ZNF280B: variants seen among roughly 807,000 people sequenced by gnomAD.
ZNF280B encodes suppressor of hairy wing homolog 2.
Under a neutral mutation model 38.0 loss-of-function variants are expected in ZNF280B, and 16 were observed. The observed-to-expected ratio is 0.42, with a 90% confidence interval of 0.28 to 0.64. The LOEUF is 0.64. ZNF280B is among the 30% of genes least tolerant of loss of function. The probability of loss-of-function intolerance (pLI) is 0.21; values close to 1 mark genes in which losing one functional copy is unlikely to be tolerated. For missense variants in ZNF280B, 581 were observed against 639.6 expected (o/e 0.91, Z 0.99); for synonymous variants, 253 against 230.6 (o/e 1.10, Z -0.88).
At chr22:22,506,234 A>C (rs779710926) in intron 2 of ZNF280B, among the ~76,000 whole-genome samples, 30 of 151,896 alleles carry the variant, frequency 2.0e-4, no homozygotes, top group Non-Finnish European at 3.5e-4. Flanking sequence ...TCACTCAGGG[A>C]AAAGAGGTCT....
intron 2 of ZNF280B, among the ~76,000 whole-genome samples, chr22:22,506,063 G>A (rs1179045947): frequency 9.2e-5 from 14 of 151,862 alleles, no homozygotes; most frequent in African/African-American, 2.9e-4. Flanking sequence ...GTTCATTGAT[G>A]GATTGGGTTT....
intron 3 of ZNF280B, among the ~76,000 whole-genome samples, chr22:22,489,821 C>T (rs923779297): frequency 1.3e-5 from 2 of 151,952 alleles, no homozygotes; most frequent in African/African-American, 2.4e-5. Flanking sequence ...GTCTGCCACA[C>T]ACCAGATGCT....
Position 22,494,074 on chromosome 22 carries a change from T to C in ZNF280B, c.-80A>G, listed in dbSNP as rs1293012216. On this transcript the variant is annotated 5_prime_UTR_variant, in exon 3 of 4. Transcript: ENST00000626650. ...GAGATATCACAGACCTTGCTTCCTC[T>C]TTCTGTCATGTGAGAACACAGCAAG... The C allele has an allele frequency of 1.3e-5, 2 of 152,006 alleles. No individual in the cohort carries two copies. Among genetic ancestry groups the C allele is most frequent in the African/African-American group, 2.4e-5 (1 of 41,386 alleles). 9.4% of individuals were successfully genotyped at this position (152,006 alleles called of 1,614,324 possible).
intron 3 of ZNF280B, among the ~76,000 whole-genome samples, chr22:22,491,339 T>TA (rs960429916): frequency 2.6e-4 from 38 of 144,542 alleles, no homozygotes; most frequent in African/African-American, 3.8e-4. Context: ...ACCAATAGTT[T>TA]AAAAAAAAAA....
intron 2 of ZNF280B, among the ~76,000 whole-genome samples, chr22:22,497,740 T>C (rs2061730117): frequency 6.6e-6 from 1 of 151,886 alleles, no homozygotes; most frequent in Non-Finnish European, 1.5e-5. Context: ...TAGCAAAAAC[T>C]ACAAAAATCA....
chr22:22,488,656 G>C lies in ZNF280B; in HGVS notation c.743C>G (p.Pro248Arg), dbSNP rs768325044. 2.5e-6 allele frequency: 4 copies of C among 1,613,824 alleles called. No individual in the cohort carries two copies. The highest frequency in any genetic ancestry group is 3.4e-6 in the Non-Finnish European group (4 of 1,179,964). ...TGCCCTATCAAGATTTGTATTTATA[G>C]GCTTGAAATGGATATTGTCCTTTGG... ...AFPKDNIHFK[P>R]INTNLDRANE... The change falls in exon 4 of 4, where the codon CCT becomes CGT. Residue 248 changes from proline to arginine, a missense_variant. Pro to Arg is a moderately radical substitution (Grantham distance 103). Transcript: ENST00000626650.
chr22:22,493,033 C>T (rs182524314), intron 3 of ZNF280B, among the ~76,000 whole-genome samples: 1 of 151,826 alleles, frequency 6.6e-6, no homozygotes, highest in East Asian at 2.0e-4. Context: ...TTTTTCAAGA[C>T]GGAGTCTTGC....
chr22:22,494,806 G>A (rs899070992), intron 2 of ZNF280B, among the ~76,000 whole-genome samples: 8 of 151,570 alleles, frequency 5.3e-5, no homozygotes, highest in Admixed American at 4.6e-4. Flanking sequence ...GCGCAATCTC[G>A]GCCCACTGCA....
chr22:22,487,698 G>A lies in ZNF280B; in HGVS notation c.*69C>T, dbSNP rs1383377941. 1.1e-5 allele frequency: 15 copies of A among 1,352,532 alleles called. No homozygotes were observed. The South Asian group carries it at 2.2e-4, about 20-fold the overall frequency. 83.8% of individuals were successfully genotyped at this position (1,352,532 alleles called of 1,614,324 possible). On this transcript the variant is annotated 3_prime_UTR_variant, in exon 4 of 4. Coordinates refer to ENST00000626650, the MANE Select transcript of ZNF280B (RefSeq NM_080764.4). ...GGTGCTACTGAATAATGTATGGTTT[G>A]TATTTTTTGTTTTATGAGGTTTTTT...
rs1360947129 is a variant in ZNF280B at position 22,489,235 on chromosome 22, G to A, written c.164C>T (p.Pro55Leu). The change falls in exon 4 of 4, where the codon CCA becomes CTA. Residue 55 changes from proline (P) to leucine (L), a missense_variant. Coordinates refer to ENST00000626650, the MANE Select transcript of ZNF280B (RefSeq NM_080764.4). ...TCTGTTCAAAATGTTTGAAACGACT[G>A]GTTTTGAATTTGAAGTCACCCCAAC... ...IFVGVTSNSK[P>L]VVSNILNRVT... 1.2e-6 allele frequency: 2 copies of A among 1,613,752 alleles called. No homozygotes were observed. The highest frequency in any genetic ancestry group is 1.1e-5 in the South Asian group (1 of 91,056).
At chr22:22,494,888 T>C (rs1030593939) in intron 2 of ZNF280B, among the ~76,000 whole-genome samples, 4 of 151,812 alleles carry the variant, frequency 2.6e-5, no homozygotes, top group African/African-American at 7.3e-5. Flanking sequence ...CCACCACGCC[T>C]GGCTAATTTT....
At chr22:22,496,254 G>C (rs1369483319) in intron 2 of ZNF280B, among the ~76,000 whole-genome samples, 1 of 151,104 alleles carries the variant, frequency 6.6e-6, no homozygotes, top group African/African-American at 2.4e-5. Context: ...GCGCCACCAT[G>C]CCTGGTTAAT....
chr22:22,508,365 G>A (rs2061982333), intron 1 of ZNF280B, among the ~76,000 whole-genome samples: 1 of 152,040 alleles, frequency 6.6e-6, no homozygotes, highest in South Asian at 2.1e-4. Flanking sequence ...GCCAGGAAAG[G>A]CCCCTTCTCC....
chr22:22,499,162 A>G (rs546192762), intron 2 of ZNF280B, among the ~76,000 whole-genome samples: 17 of 152,066 alleles, frequency 1.1e-4, no homozygotes, highest in Non-Finnish European at 1.5e-4. Context: ...AACAACATAT[A>G]TAACGATTAC....
At chr22:22,504,426 GAA>G (rs1314633209) in intron 2 of ZNF280B, among the ~76,000 whole-genome samples, 1 of 121,238 alleles carries the variant, frequency 8.2e-6, no homozygotes, top group Non-Finnish European at 1.7e-5. Flanking sequence ...GACTCCGTCT[GAA>G]AAAAAAAAAA....
At chr22:22,497,986 A>C (rs2061735275) in intron 2 of ZNF280B, among the ~76,000 whole-genome samples, 1 of 151,986 alleles carries the variant, frequency 6.6e-6, no homozygotes. Context: ...TGGATAAACA[A>C]ACCATGGTAT....
At chr22:22,507,724 T>C (rs361676) in intron 2 of ZNF280B, 86 bp downstream of exon 2, 22,474 of 151,696 alleles carry the variant, frequency 0.15, 1,919 homozygotes, top group South Asian at 0.29. Context: ...AACAGCTATG[T>C]TTCAGCAAAG....
intron 2 of ZNF280B, among the ~76,000 whole-genome samples, chr22:22,497,778 A>T (rs921440189): frequency 6.6e-6 from 1 of 151,956 alleles, no homozygotes; most frequent in Non-Finnish European, 1.5e-5. Flanking sequence ...AAATTAACGA[A>T]AGCTTGTAAA....
At position 22,489,210 on chromosome 22, in the gene ZNF280B, T is replaced by C; in HGVS notation, c.189A>G (p.Arg63=). Residue 63 remains arginine, a synonymous_variant, in exon 4 of 4, where the codon AGA becomes AGG. Coordinates refer to ENST00000626650, the MANE Select transcript of ZNF280B (RefSeq NM_080764.4). ...TCCTTGACCATGAACCCGGGGTGAC[T>C]CTGTTCAAAATGTTTGAAACGACTG... ...SKPVVSNILN[R]VTPGSWSRRK... 6.2e-7 allele frequency: 1 copy of C among 1,613,810 alleles called. No individual in the cohort carries two copies. The highest frequency in any genetic ancestry group is 8.5e-7 in the Non-Finnish European group (1 of 1,179,954).
Sources: allele counts gnomAD v4.1 joint callset (sites outside exome capture counted in the v4.1 genomes callset), GRCh38; gene constraint gnomAD v4.1.1; transcripts MANE v1.5; gene names NCBI Gene and HGNC (gene_info 2026-07-23, HGNC 2026-07-21).